SMYD3: variants seen among roughly 807,000 people sequenced by gnomAD.
The protein encoded by SMYD3 is histone-lysine N-methyltransferase SMYD3.
Under a neutral mutation model 57.7 loss-of-function variants are expected in SMYD3, and 36 were observed. The observed-to-expected ratio is 0.62, with a 90% confidence interval of 0.48 to 0.82. The LOEUF is 0.82. Among genes scored for constraint, SMYD3 ranks in the 40% least tolerant of loss-of-function variants. The pLI is 0.00. For missense variants in SMYD3, 515 were observed against 538.8 expected, an observed-to-expected ratio of 0.96 and a Z score of 0.44; for synonymous variants, 211 against 195.0, an observed-to-expected ratio of 1.08 and a Z score of -0.68.
intron 2 of SMYD3, among the ~76,000 whole-genome samples, chr1:246,342,741 G>A (rs1184683383): frequency 1.3e-5 from 2 of 152,284 alleles, no homozygotes; most frequent in South Asian, 4.1e-4. Context: ...CATGAAAATG[G>A]TCTTAGGGCA....
In SMYD3 at chr1:245,960,727, C is replaced by CTAAATAAATAAATAAA. The variant is rs61051860; in HGVS notation, c.532-30806_532-30791dup. 4.7e-5 allele frequency among the ~76,000 whole-genome samples: 7 copies of CTAAATAAATAAATAAA among 150,460 alleles called. No homozygotes were observed. In the East Asian group the frequency reaches 5.9e-4, roughly 13 times the overall value. ...GGGTGACAGAAACCAGACTCTGTCTCTAAATAAATAAATAAATAAATAAAT... is the reference window on the plus strand; with the variant it reads ...GGGTGACAGAAACCAGACTCTGTCTCTAAATAAATAAATAAATAAATAAATAAATAAATAAATAAAT... On this transcript the variant is annotated intron_variant, in intron 5 of 11. Transcript: ENST00000490107.
intron 10 of SMYD3, among the ~76,000 whole-genome samples, chr1:245,849,455 ATGAGT>A: frequency 6.6e-6 from 1 of 151,972 alleles, no homozygotes; most frequent in Non-Finnish European, 1.5e-5. Flanking sequence ...TCCAGCAGAG[ATGAGT>A]TATGTGTATG....
intron 5 of SMYD3, among the ~76,000 whole-genome samples, chr1:246,161,606 A>G (rs749322683): frequency 1.3e-5 from 2 of 152,222 alleles, no homozygotes; most frequent in Non-Finnish European, 2.9e-5. Flanking sequence ...TTCTCCGCGA[A>G]TAGATGTACC....
intron 5 of SMYD3, among the ~76,000 whole-genome samples, chr1:246,152,470 G>A (rs562418650): frequency 6.6e-6 from 1 of 152,262 alleles, no homozygotes; most frequent in East Asian, 1.9e-4. Context: ...TGAAACTAAT[G>A]CCACCTCAGT....
intron 5 of SMYD3, among the ~76,000 whole-genome samples, chr1:246,116,810 ATCAG>A (rs2061349052): frequency 6.6e-6 from 1 of 152,228 alleles, no homozygotes; most frequent in Non-Finnish European, 1.5e-5. Context: ...CATGAAACCA[ATCAG>A]TCAGCTTAAA....
At chr1:246,110,837 C>G (rs1282070528) in intron 5 of SMYD3, among the ~76,000 whole-genome samples, 1 of 152,194 alleles carries the variant, frequency 6.6e-6, no homozygotes, top group African/African-American at 2.4e-5. Flanking sequence ...GCAGTGCAGC[C>G]ATGTTCCTTA....
At chr1:245,774,911 C>G (rs367926066) in intron 10 of SMYD3, among the ~76,000 whole-genome samples, 3,430 of 152,254 alleles carry the variant, frequency 0.023, 141 homozygotes, top group African/African-American at 0.078. Context: ...CTGTGTTGGC[C>G]GGGCTGGTCT....
chr1:245,837,249 A>AAAAAG (rs760671026), intron 10 of SMYD3, among the ~76,000 whole-genome samples: 11 of 151,230 alleles, frequency 7.3e-5, no homozygotes, highest in Non-Finnish European at 1.3e-4. Flanking sequence ...AAAAAAAAAA[A>AAAAAG]AAGAAGAAGA....
rs1319347044 is a variant in SMYD3, at chr1:245,749,475, T to G, written c.*88A>C. 4.9e-6 allele frequency: 5 copies of G among 1,016,758 alleles called. No individual in the cohort carries two copies. The African/African-American group carries it at 6.3e-5, about 13-fold the overall frequency. The allele number at this position is 1,016,758 out of a possible 1,614,324, so 63.0% of individuals were successfully genotyped here. ...GGAACAGAATTTCCAATAGGAGAGG[T>G]TCACACAGCTAACAAAGCATAGAGT... On this transcript the variant is annotated 3_prime_UTR_variant, in exon 12 of 12. Coordinates refer to ENST00000490107, the MANE Select transcript of SMYD3 (RefSeq NM_001167740.2).
intron 5 of SMYD3, among the ~76,000 whole-genome samples, chr1:246,094,686 G>A (rs752996645): frequency 1.1e-4 from 17 of 152,158 alleles, no homozygotes; most frequent in Admixed American, 1.3e-4. Context: ...ATAGCAAAAC[G>A]CACAGGATCA....
intron 5 of SMYD3, among the ~76,000 whole-genome samples, chr1:246,191,592 T>C (rs546351117): frequency 3.9e-5 from 6 of 152,284 alleles, no homozygotes; most frequent in Non-Finnish European, 5.9e-5. Flanking sequence ...GACAAAAAGA[T>C]CAAACATATT....
At chr1:245,765,892 A>G (rs1417464336) in intron 10 of SMYD3, among the ~76,000 whole-genome samples, 2 of 152,138 alleles carry the variant, frequency 1.3e-5, no homozygotes, top group Non-Finnish European at 2.9e-5. Flanking sequence ...GCTCTATTAT[A>G]TAACAGTGAT....
intron 5 of SMYD3, among the ~76,000 whole-genome samples, chr1:246,076,252 C>G (rs12078763): frequency 0.15 from 22,203 of 152,144 alleles, 2,884 homozygotes; most frequent in African/African-American, 0.35. Context: ...CTTCAGTTCT[C>G]TGTTCCATTC....
In SMYD3 at chr1:246,275,476, G is replaced by A. The variant is rs61841269; in HGVS notation, c.531+51725C>T. 3.5e-4 allele frequency among the ~76,000 whole-genome samples: 34 copies of A among 97,484 alleles called. 1 individual carries two copies. The highest frequency in any genetic ancestry group is 7.8e-4 in the East Asian group (1 of 1,276). 64.0% of individuals were successfully genotyped at this position (97,484 alleles called of 152,430 possible). A position where few individuals can be genotyped will look rare whatever the true frequency, so the allele number is the denominator to read the frequency against. On this transcript the variant is annotated intron_variant, in intron 5 of 11. Transcript: ENST00000490107. ...TTTACTAGCTGTATTAACACTGGCA[G>A]GTTATTTAATGTCTCTAGTGGAGTC... is the stretch of plus-strand genomic sequence containing the variant.
At chr1:245,797,531 T>TA (rs1558349797) in intron 10 of SMYD3, among the ~76,000 whole-genome samples, 3 of 39,044 alleles carry the variant, frequency 7.7e-5, no homozygotes, top group African/African-American at 2.2e-4. Context: ...TGTGGTGGGG[T>TA]GGGGGGAGGG....
intron 5 of SMYD3, among the ~76,000 whole-genome samples, chr1:245,961,935 A>G (rs1382537392): frequency 6.6e-6 from 1 of 152,200 alleles, no homozygotes; most frequent in Non-Finnish European, 1.5e-5. Context: ...CGGTTATTAC[A>G]GCTGGGAACT....
intron 10 of SMYD3, among the ~76,000 whole-genome samples, chr1:245,822,405 G>A (rs1323638470): frequency 6.8e-6 from 1 of 146,378 alleles, no homozygotes; most frequent in Non-Finnish European, 1.5e-5. Context: ...TGTGGGGTAG[G>A]GGGAGGGGGG....
chr1:246,352,312 C>G (rs1199889084), intron 2 of SMYD3, among the ~76,000 whole-genome samples: 1 of 152,170 alleles, frequency 6.6e-6, no homozygotes, highest in Admixed American at 6.5e-5. Flanking sequence ...GAACCAAAAT[C>G]ATGTCCCCCT....
chr1:246,218,025 T>C (rs1426832339), intron 5 of SMYD3, among the ~76,000 whole-genome samples: 1 of 144,958 alleles, frequency 6.9e-6, no homozygotes, highest in African/African-American at 2.6e-5. Flanking sequence ...AGAAAATAAA[T>C]AAACTATGGT....
Sources: allele counts gnomAD v4.1 joint callset (sites outside exome capture counted in the v4.1 genomes callset), GRCh38; gene constraint gnomAD v4.1.1; transcripts MANE v1.5; gene names NCBI Gene and HGNC (gene_info 2026-07-23, HGNC 2026-07-21).